Variants in NUP160 observed in about 807,000 individuals in gnomAD.
NUP160 encodes nucleoporin 160, also known as nuclear pore complex protein Nup160.
NUP160 carries 94 observed loss-of-function variants against 196.9 expected under a neutral mutation model. The observed-to-expected ratio is 0.48, with a 90% CI of 0.40 to 0.57. The LOEUF is 0.57. NUP160 is among the 20% of genes least tolerant of loss of function. The pLI, the probability that NUP160 is intolerant of heterozygous loss-of-function variation, is 0.00. For missense variants in NUP160, 1,638 were observed against 1,748.3 expected (o/e 0.94, Z 1.13); for synonymous variants, 605 against 619.7 (o/e 0.98, Z 0.35).
intron 35 of NUP160, among the ~76,000 whole-genome samples, 157 bp from the exon 36 acceptor site, chr11:47,779,351 G>GT (rs1264946847): frequency 1.3e-5 from 2 of 152,112 alleles, no homozygotes; most frequent in Non-Finnish European, 2.9e-5. Flanking sequence ...AGTCTCCTCT[G>GT]TGACTCTACT....
chr11:47,792,464 C>A, intron 28 of NUP160: 1 of 254,940 alleles, frequency 3.9e-6, no homozygotes, highest in Non-Finnish European at 7.4e-6. Context: ...CATTAATACC[C>A]AAACAATCCT....
chr11:47,785,106 T>TTTTTTTTTTTTGAGACGG, intron 32 of NUP160, 43 bp from the exon 33 acceptor site: 13 of 981,308 alleles, frequency 1.3e-5, no homozygotes, highest in Admixed American at 2.6e-5. Flanking sequence ...AGATTCTTAA[T>TTTTTTTTTTTTGAGACGG]AGCTATTTAG....
intron 31 of NUP160, 45 bp downstream of exon 31, chr11:47,788,137 A>G (rs779998308): frequency 6.1e-5 from 93 of 1,513,538 alleles, no homozygotes; most frequent in Non-Finnish European, 8.2e-5. Flanking sequence ...AGAGGATAAT[A>G]TATTTGCATT....
rs1334310549 is a variant in NUP160, at chr11:47,837,014, A to G, written c.828-13T>C. 4 of 1,519,506 alleles carry G rather than the reference A, an allele frequency of 2.6e-6. No individual in the cohort carries two copies. Among genetic ancestry groups the G allele is most frequent in the Admixed American group, 3.5e-5 (2 of 57,008 alleles). The allele number at this position is 1,519,506 out of a possible 1,614,324, so 94.1% of individuals were successfully genotyped here. A position where few individuals can be genotyped will look rare whatever the true frequency, so the allele number is the denominator to read the frequency against. The stretch of plus-strand genomic sequence containing the variant: ...CGACTGGTCACCCCTAAAACATAAG[A>G]CCCAGTTTTAGAGTTTTACTGCTGC... On this transcript the variant is annotated splice_polypyrimidine_tract_variant and intron_variant, in intron 5 of 35. Coordinates refer to ENST00000378460, the Ensembl canonical transcript of NUP160.
At chr11:47,803,684 C>T (rs1184544951) in intron 21 of NUP160, 148 bp from the exon 22 acceptor site, 27 of 598,994 alleles carry the variant, frequency 4.5e-5, no homozygotes, top group Non-Finnish European at 2.1e-5. Flanking sequence ...TAAAACCTAC[C>T]CCTGTTGCCT....
At chr11:47,821,934 C>A in intron 8 of NUP160, 113 bp from the exon 9 acceptor site, 1 of 1,004,622 alleles carries the variant, frequency 1.0e-6, no homozygotes, top group Non-Finnish European at 1.5e-6. Context: ...AAACATGGTA[C>A]CACATGAATT....
intron 4 of NUP160, 150 bp downstream of exon 4, chr11:47,839,693 A>C: frequency 1.5e-6 from 1 of 683,976 alleles, no homozygotes; most frequent in Admixed American, 2.4e-5. Flanking sequence ...TATAAAAGTA[A>C]AGCATTAGGG....
At chr11:47,826,392 G>A (rs191565132) in intron 7 of NUP160, among the ~76,000 whole-genome samples, 1 of 152,270 alleles carries the variant, frequency 6.6e-6, no homozygotes, top group East Asian at 1.9e-4. Flanking sequence ...CTTCAATGAA[G>A]AATCATAATG....
chr11:47,791,954 C>T, exon 29 of NUP160: 1 of 1,612,688 alleles, frequency 6.2e-7, no homozygotes, highest in Non-Finnish European at 8.5e-7. Flanking sequence ...CATTCTCCAT[C>T]ATGATTCCTC....
intron 31 of NUP160, among the ~76,000 whole-genome samples, chr11:47,787,428 C>T (rs867311508): frequency 7.7e-5 from 10 of 130,060 alleles, no homozygotes; most frequent in South Asian, 7.3e-4. Context: ...AATTCACAAA[C>T]TTTTTTTTTT....
At chr11:47,798,790 A>C (rs1298174253) in intron 23 of NUP160, among the ~76,000 whole-genome samples, 1 of 152,006 alleles carries the variant, frequency 6.6e-6, no homozygotes, top group Non-Finnish European at 1.5e-5. Flanking sequence ...TAATCCTGCC[A>C]CTGCATTTCA....
intron 11 of NUP160, among the ~76,000 whole-genome samples, chr11:47,816,920 AG>A (rs1477234834): frequency 6.6e-6 from 1 of 151,552 alleles, no homozygotes; most frequent in Non-Finnish European, 1.5e-5. Flanking sequence ...CTGAGATTAC[AG>A]GTGTGAGCCA....
intron 2 of NUP160, chr11:47,841,732 G>A (rs774688913): frequency 2.5e-5 from 6 of 236,738 alleles, no homozygotes; most frequent in African/African-American, 4.7e-5. Flanking sequence ...CACTCTGTCA[G>A]GCTGGGGTGC....
exon 36 of NUP160, chr11:47,778,340 G>GT (rs2097658733): frequency 1.3e-5 from 2 of 152,648 alleles, no homozygotes; most frequent in South Asian, 2.1e-4. Flanking sequence ...GACCAATGAA[G>GT]TTTACATTTT....
exon 16 of NUP160, chr11:47,812,322 A>G (rs1375038464): frequency 1.1e-5 from 18 of 1,614,040 alleles, no homozygotes; most frequent in Non-Finnish European, 1.5e-5. Flanking sequence ...TCCCTTTTCC[A>G]TTTCCACTTC....
In NUP160 at chr11:47,813,300, T is replaced by C. The variant is rs2097682215; in HGVS notation, c.1786+16A>G. 2.0e-6 allele frequency: 3 copies of C among 1,513,788 alleles called. No homozygotes were observed. Among genetic ancestry groups the C allele is most frequent in the Admixed American group, 1.7e-5 (1 of 59,726 alleles). 93.8% of individuals were successfully genotyped at this position (1,513,788 alleles called of 1,614,324 possible). A position where few individuals can be genotyped will look rare whatever the true frequency, so the allele number is the denominator to read the frequency against. On this transcript the variant is annotated intron_variant, in intron 14 of 35. Transcript: ENST00000378460. ...ATAGGAAGGGGATTAAATATGGACA[T>C]AACAATTACTATTACCATCAGATAT...
At chr11:47,826,353 GC>G (rs1851967572) in intron 7 of NUP160, among the ~76,000 whole-genome samples, 2 of 152,268 alleles carry the variant, frequency 1.3e-5, no homozygotes, top group South Asian at 4.1e-4. Context: ...GTGTTACATA[GC>G]TGTCAAAAAA....
intron 7 of NUP160, among the ~76,000 whole-genome samples, chr11:47,835,151 A>T (rs1428538427): frequency 6.6e-6 from 1 of 152,182 alleles, no homozygotes. Context: ...ATAGCATATG[A>T]GCCCAGAGTA....
exon 3 of NUP160, chr11:47,840,416 T>C: frequency 1.2e-6 from 2 of 1,614,162 alleles, no homozygotes; most frequent in Non-Finnish European, 1.7e-6. Context: ...AAAAGTAACC[T>C]GTGCACTGTT....
Sources: allele counts gnomAD v4.1 joint callset (sites outside exome capture counted in the v4.1 genomes callset), GRCh38; gene constraint gnomAD v4.1.1; transcripts MANE v1.5; gene names NCBI Gene and HGNC (gene_info 2026-07-23, HGNC 2026-07-21).